Variants in MAD1L1 observed in about 807,000 individuals in gnomAD.
The protein encoded by MAD1L1 is mitotic spindle assembly checkpoint protein MAD1.
Under a neutral mutation model 96.9 loss-of-function variants are expected in MAD1L1, and 95 were observed. The ratio of observed to expected loss-of-function variants is 0.98; its 90% CI spans 0.83 to 1.16. The LOEUF (loss-of-function observed/expected upper bound fraction) is 1.16, where lower values mean the gene tolerates loss of function less well. Among genes scored for constraint, MAD1L1 ranks in the 50% most tolerant of loss-of-function variants. MAD1L1 has a pLI of 0.00. For synonymous variants in MAD1L1, 473 were observed against 396.6 expected (o/e 1.19, Z -2.29); for missense variants, 1,007 against 954.4 (o/e 1.06, Z -0.73).
intron 12 of MAD1L1, among the ~76,000 whole-genome samples, chr7:2,028,164 G>A (rs938890334): frequency 6.6e-6 from 1 of 152,046 alleles, no homozygotes; most frequent in Non-Finnish European, 1.5e-5. Flanking sequence ...GGTGACTCAC[G>A]CCTGTAATCC....
At chr7:1,992,631 C>T (rs1473929649) in intron 14 of MAD1L1, among the ~76,000 whole-genome samples, 4 of 152,166 alleles carry the variant, frequency 2.6e-5, no homozygotes, top group African/African-American at 4.8e-5. Context: ...CATCTGAGGC[C>T]ACCTCCTGTC....
chr7:2,161,305 G>C (rs980908135), intron 10 of MAD1L1, among the ~76,000 whole-genome samples: 5 of 151,784 alleles, frequency 3.3e-5, no homozygotes, highest in Non-Finnish European at 5.9e-5. Context: ...ACGGGGTTTC[G>C]CTGTGCTGGC....
At chr7:2,030,568 G>T (rs901004559) in intron 12 of MAD1L1, among the ~76,000 whole-genome samples, 1 of 152,204 alleles carries the variant, frequency 6.6e-6, no homozygotes, top group Admixed American at 6.5e-5. Flanking sequence ...AAGCCAGGGC[G>T]CCAGTGACAG....
At chr7:1,829,930 A>G (rs1198817482) in intron 18 of MAD1L1, among the ~76,000 whole-genome samples, 1 of 152,210 alleles carries the variant, frequency 6.6e-6, no homozygotes, top group Non-Finnish European at 1.5e-5. Flanking sequence ...TCACCTCTGT[A>G]AAGTACAGAA....
rs1394195307 is a variant in MAD1L1, at chr7:2,069,168, G to C, written c.1218+26C>G. On this transcript the variant is annotated intron_variant, in intron 12 of 18. Transcript: ENST00000265854. ...CTGACCCGCAGCTCCCTGCGACTCT[G>C]ATCAAGATGTAAGGGCATACATCAC... 3 of 1,548,558 alleles carry C rather than the reference G, an allele frequency of 1.9e-6. No homozygotes were observed. In the Admixed American group the frequency reaches 5.7e-5, roughly 29 times the overall value.
chr7:2,109,815 T>A (rs922775762), intron 11 of MAD1L1, among the ~76,000 whole-genome samples: 3 of 152,276 alleles, frequency 2.0e-5, no homozygotes, highest in African/African-American at 7.2e-5. Context: ...GCTAAATATG[T>A]AATTTAGGAA....
At chr7:2,109,538 A>G (rs1220477554) in intron 11 of MAD1L1, 1 of 152,162 alleles carries the variant, frequency 6.6e-6, no homozygotes, top group East Asian at 1.9e-4. Flanking sequence ...ACAGCCCCCA[A>G]CAGCCTCGAG....
intron 14 of MAD1L1, among the ~76,000 whole-genome samples, chr7:2,001,679 C>T (rs542981627): frequency 1.3e-5 from 2 of 152,390 alleles, no homozygotes; most frequent in African/African-American, 4.8e-5. Flanking sequence ...CCACTGGGGA[C>T]TCGGGTCCTG....
At chr7:2,212,424 G>C (rs1036726438) in intron 10 of MAD1L1, among the ~76,000 whole-genome samples, 1 of 152,170 alleles carries the variant, frequency 6.6e-6, no homozygotes, top group Non-Finnish European at 1.5e-5. Flanking sequence ...ATGTTGAATT[G>C]TAATCCCCAG....
intron 12 of MAD1L1, among the ~76,000 whole-genome samples, chr7:2,020,262 G>A (rs531550999): frequency 2.6e-5 from 4 of 152,162 alleles, no homozygotes; most frequent in African/African-American, 4.8e-5. Context: ...ATCGGGGGGG[G>A]CACTAACCCC....
At chr7:2,082,375 C>G (rs1785697852) in intron 11 of MAD1L1, among the ~76,000 whole-genome samples, 1 of 151,940 alleles carries the variant, frequency 6.6e-6, no homozygotes, top group South Asian at 2.1e-4. Flanking sequence ...GGAGCCAGGC[C>G]TGGGGAGCTC....
At chr7:1,925,075 C>A (rs532077821) in intron 17 of MAD1L1, among the ~76,000 whole-genome samples, 1 of 152,220 alleles carries the variant, frequency 6.6e-6, no homozygotes, top group South Asian at 2.1e-4. Flanking sequence ...GAAAACTAAT[C>A]ATAAAATGTA....
intron 12 of MAD1L1, among the ~76,000 whole-genome samples, chr7:2,057,693 T>C (rs1018733312): frequency 6.6e-6 from 1 of 152,134 alleles, no homozygotes; most frequent in Admixed American, 6.5e-5. Flanking sequence ...ACAGAGAATA[T>C]CAGAAAATGT....
intron 12 of MAD1L1, among the ~76,000 whole-genome samples, chr7:2,029,847 T>C (rs1055244461): frequency 4.6e-5 from 7 of 152,116 alleles, no homozygotes; most frequent in African/African-American, 1.7e-4. Flanking sequence ...GAGGGTAATT[T>C]GAGGTTGATG....
At chr7:2,139,146 C>T (rs1020037649) in intron 11 of MAD1L1, among the ~76,000 whole-genome samples, 2 of 152,058 alleles carry the variant, frequency 1.3e-5, no homozygotes, top group African/African-American at 2.4e-5. Flanking sequence ...CCAGACAGGG[C>T]GAGGACTGTG....
intron 1 of MAD1L1, among the ~76,000 whole-genome samples, chr7:2,232,288 C>T (rs1053424534): frequency 9.2e-5 from 14 of 152,382 alleles, no homozygotes; most frequent in African/African-American, 3.4e-4. Context: ...AGGCTGCCAG[C>T]CCCGCAGAGG....
intron 10 of MAD1L1, among the ~76,000 whole-genome samples, chr7:2,160,979 A>G (rs2128588057): frequency 6.6e-6 from 1 of 152,252 alleles, no homozygotes; most frequent in South Asian, 2.1e-4. Context: ...TTGTAACAAA[A>G]CAATTCTATC....
rs1001688126 is a variant in MAD1L1 at position 2,215,904 on chromosome 7, C to G, written c.905G>C (p.Gly302Ala). The G allele has an allele frequency of 2.5e-6, 4 of 1,614,086 alleles. No individual in the cohort carries two copies. In the African/African-American group the frequency reaches 5.3e-5, roughly 22 times the overall value. Residue 302 changes from glycine (G) to alanine (A), a missense_variant, in exon 9 of 19, where the codon GGC (glycine) becomes GCC (alanine). By Grantham distance (60) the Gly-to-Ala change is moderately conservative. Coordinates refer to ENST00000265854, the MANE Select transcript of MAD1L1 (RefSeq NM_001013836.2). ...RQEKMQETLV[G>A]LELENERLLA... is the part of the protein sequence containing the mutation. ...CCTCACCTCGTTCTCCAGCTCCAAG[C>G]CAACCAGCGTCTCCTGCATCTTCTC...
chr7:1,984,849 A>G (rs1193436295), intron 14 of MAD1L1, among the ~76,000 whole-genome samples: 1 of 152,138 alleles, frequency 6.6e-6, no homozygotes, highest in Admixed American at 6.5e-5. Flanking sequence ...TGTAGCTTTT[A>G]CATCTATCTC....
Sources: allele counts gnomAD v4.1 joint callset (sites outside exome capture counted in the v4.1 genomes callset), GRCh38; gene constraint gnomAD v4.1.1; transcripts MANE v1.5; gene names NCBI Gene and HGNC (gene_info 2026-07-23, HGNC 2026-07-21).